G6PC1: variants seen among roughly 807,000 people sequenced by gnomAD.
The protein encoded by G6PC1 is glucose-6-phosphatase catalytic subunit 1, also known as G-6-Pase.
A neutral mutation model predicts 30.4 loss-of-function variants in G6PC1; 23 were observed. The ratio of observed to expected loss-of-function variants is 0.76; its 90% CI spans 0.55 to 1.07. The LOEUF (loss-of-function observed/expected upper bound fraction) is 1.07. Among genes scored for constraint, G6PC1 ranks in the 50% least tolerant of loss-of-function variants. G6PC1 has a pLI of 0.00. For missense variants in G6PC1, 391 were observed against 433.9 expected (o/e 0.90, Z 0.88); for synonymous variants, 163 against 175.6 (o/e 0.93, Z 0.57).
chr17:42,907,698 C>G, intron 3 of G6PC1, 70 bp downstream of exon 3: 1 of 1,066,290 alleles, frequency 9.4e-7, no homozygotes, highest in South Asian at 1.3e-5. Context: ...TGACACACCA[C>G]GTATTCTTCC....
intron 1 of G6PC1, 134 bp from the exon 2 acceptor site, chr17:42,903,797 T>TCC: frequency 1.4e-6 from 1 of 714,686 alleles, no homozygotes. Flanking sequence ...CTCACACTTC[T>TCC]CCCCAGCCAC....
At position 42,907,523 on chromosome 17, in the gene G6PC1, G is replaced by A. The variant is rs544563908; in HGVS notation, c.341G>A (p.Gly114Glu). The stretch of plus-strand genomic sequence containing the variant: ...CTCCATTCTCTTTCCTGCCCTTTAG[G>A]GAGCCCCTCTGGCCATGCCATGGGC... ...QFPVTCETGP[G>E]SPSGHAMGTA... The change falls in exon 3 of 5, where the codon GGG (glycine) becomes GAG (glutamate). Residue 114 changes from glycine to glutamate, a missense_variant and splice_region_variant. By Grantham distance (98) the Gly-to-Glu change is moderately conservative. Coordinates refer to ENST00000253801, the MANE Select transcript of G6PC1 (RefSeq NM_000151.4). 2 of 1,609,920 alleles carry A rather than the reference G, an allele frequency of 1.2e-6. No individual in the cohort carries two copies. Among genetic ancestry groups the A allele is most frequent in the African/African-American group, 1.3e-5 (1 of 74,904 alleles).
At chr17:42,904,129 G>A in intron 2 of G6PC1, 89 bp downstream of exon 2, 1 of 872,896 alleles carries the variant, frequency 1.1e-6, no homozygotes, top group Non-Finnish European at 2.0e-6. Context: ...CATGAGGAGA[G>A]CCATTCCTTT....
rs1196722551 is a variant in G6PC1, at chr17:42,913,604, C to T, written c.*2178C>T. On this transcript the variant is annotated 3_prime_UTR_variant, in exon 5 of 5. Transcript: ENST00000253801. ...AGAACCAGAAAGATTCAGAGTTGGCCAAGAATGAACATTGGCTACCAGACC... is the reference window on the plus strand; with the variant it reads ...AGAACCAGAAAGATTCAGAGTTGGCTAAGAATGAACATTGGCTACCAGACC... 6.6e-6 allele frequency among the ~76,000 whole-genome samples: 1 copy of T among 152,210 alleles called. No individual in the cohort carries two copies. Among genetic ancestry groups the T allele is most frequent in the East Asian group, 1.9e-4 (1 of 5,178 alleles).
intron 2 of G6PC1, among the ~76,000 whole-genome samples, chr17:42,905,196 G>C (rs926402787): frequency 6.1e-5 from 9 of 147,120 alleles, no homozygotes; most frequent in African/African-American, 2.3e-4. Flanking sequence ...AGGCTGAGGC[G>C]GGTGGATCAC....
chr17:42,909,557 G>A (rs1190312165), intron 4 of G6PC1, 139 bp downstream of exon 4: 1 of 740,896 alleles, frequency 1.3e-6, no homozygotes, highest in African/African-American at 1.7e-5. Flanking sequence ...TGAAAGTCAA[G>A]AATGAGCAAC....
At position 42,907,589 on chromosome 17, in the gene G6PC1, C is replaced by G; in HGVS notation, c.407C>G (p.Ser136Cys). The change falls in exon 3 of 5, where the codon TCC becomes TGC. Residue 136 changes from serine (S) to cysteine (C), a missense_variant. Coordinates refer to ENST00000253801, the MANE Select transcript of G6PC1 (RefSeq NM_000151.4). ...TACGTGATGGTCACATCTACTCTTTCCATCTTTCAGGGAAAGATAAAGCCG... is the reference window on the plus strand; with the variant it reads ...TACGTGATGGTCACATCTACTCTTTGCATCTTTCAGGGAAAGATAAAGCCG... ...VYYVMVTSTLSIFQGKIKPTY... is the reference protein window; with the variant it reads ...VYYVMVTSTLCIFQGKIKPTY... The G allele has an allele frequency of 6.2e-7, 1 of 1,613,922 alleles. No homozygotes were observed.
At chr17:42,901,643 T>C (rs1421935636) in intron 1 of G6PC1, among the ~76,000 whole-genome samples, 1 of 151,290 alleles carries the variant, frequency 6.6e-6, no homozygotes, top group Non-Finnish European at 1.5e-5. Context: ...CGGAGGAGGT[T>C]GCAGTGAGTC....
At position 42,907,381 on chromosome 17, in the gene G6PC1, G is replaced by A. The variant is rs902867311; in HGVS notation, c.341-142G>A. Reference sequence around the variant, plus strand: ...TAAGATGGGTGGATGGATGGGGGGTGAACGGATGGATGGGGGGTGAATGGA... The same window carrying A: ...TAAGATGGGTGGATGGATGGGGGGTAAACGGATGGATGGGGGGTGAATGGA... On this transcript the variant is annotated intron_variant, in intron 2 of 4. Transcript: ENST00000253801. 4 of 677,350 alleles carry A rather than the reference G, an allele frequency of 5.9e-6. No homozygotes were observed. In the East Asian group the frequency reaches 1.1e-4, roughly 19 times the overall value. 42.0% of individuals were successfully genotyped at this position (677,350 alleles called of 1,614,324 possible).
In G6PC1 at chr17:42,911,640, A is replaced by C; in HGVS notation, c.*214A>C. On this transcript the variant is annotated 3_prime_UTR_variant, in exon 5 of 5. Transcript: ENST00000253801. ...CCTCAGCACAGACTCTTTCAGATGG[A>C]GGTGCCATATCACGTACACCATATG... The C allele has an allele frequency of 1.5e-6, 1 of 651,622 alleles. No homozygotes were observed. Among genetic ancestry groups the C allele is most frequent in the Non-Finnish European group, 2.6e-6 (1 of 378,468 alleles). 40.4% of individuals were successfully genotyped at this position (651,622 alleles called of 1,614,324 possible). A position where few individuals can be genotyped will look rare whatever the true frequency, so the allele number is the denominator to read the frequency against.
At chr17:42,907,416 G>A in intron 2 of G6PC1, 107 bp from the exon 3 acceptor site, 1 of 742,026 alleles carries the variant, frequency 1.3e-6, no homozygotes, top group Non-Finnish European at 2.4e-6. Context: ...ATGGATGAAT[G>A]GGTAGATGGG....
intron 4 of G6PC1, among the ~76,000 whole-genome samples, chr17:42,910,540 G>C (rs2151932120): frequency 6.6e-6 from 1 of 152,290 alleles, no homozygotes; most frequent in African/African-American, 2.4e-5. Context: ...CAGTATTAGA[G>C]GGGGACCAGT....
chr17:42,911,128 C>T lies in G6PC1; in HGVS notation c.776C>T (p.Ala259Val). The T allele has an allele frequency of 6.2e-7, 1 of 1,614,156 alleles. No homozygotes were observed. The highest frequency in any genetic ancestry group is 1.1e-5 in the South Asian group (1 of 91,086). Reference sequence around the variant, plus strand: ...GTCCACATTGACACCACACCCTTTGCCAGCCTCCTCAAGAACCTGGGCACG... The same window carrying T: ...GTCCACATTGACACCACACCCTTTGTCAGCCTCCTCAAGAACCTGGGCACG... ...EWVHIDTTPF[A>V]SLLKNLGTLF... The change falls in exon 5 of 5, where the codon GCC becomes GTC. Residue 259 changes from alanine to valine, a missense_variant. Coordinates refer to ENST00000253801, the MANE Select transcript of G6PC1 (RefSeq NM_000151.4).
intron 2 of G6PC1, among the ~76,000 whole-genome samples, chr17:42,905,292 G>C (rs1344086883): frequency 1.3e-5 from 2 of 151,062 alleles, no homozygotes; most frequent in Non-Finnish European, 2.9e-5. Flanking sequence ...GGGTGTCCTG[G>C]TGCATGCCTG....
chr17:42,902,770 G>A (rs1023609880), intron 1 of G6PC1, among the ~76,000 whole-genome samples: 1 of 152,132 alleles, frequency 6.6e-6, no homozygotes, highest in African/African-American at 2.4e-5. Context: ...TAAAGGGGAA[G>A]TGGTTTGTCT....
intron 4 of G6PC1, 49 bp from the exon 5 acceptor site, chr17:42,910,866 A>G: frequency 6.3e-7 from 1 of 1,591,606 alleles, no homozygotes; most frequent in Non-Finnish European, 8.6e-7. Context: ...CCTCTAGCAA[A>G]GGTCCCAAAT....
intron 1 of G6PC1, among the ~76,000 whole-genome samples, chr17:42,901,630 AG>A (rs369591737): frequency 1.3e-5 from 2 of 151,550 alleles, no homozygotes; most frequent in African/African-American, 4.9e-5. Flanking sequence ...CTGAGGTGAG[AG>A]GCGGAGGAGG....
Position 42,907,558 on chromosome 17 carries a change from G to GTA in G6PC1, c.379_380dup (p.Tyr128ThrfsTer3), listed in dbSNP as rs80356488. ...TGGCCATGCCATGGGCACAGCAGGT[G>GTA]TATACTACGTGATGGTCACATCTAC... On this transcript the variant is annotated frameshift_variant, in exon 3 of 5. Coordinates refer to ENST00000253801, the MANE Select transcript of G6PC1 (RefSeq NM_000151.4). LOFTEE classifies it high-confidence loss of function. The GTA allele has an allele frequency of 2.6e-5, 42 of 1,613,922 alleles. No individual in the cohort carries two copies. The Admixed American group carries it at 6.5e-4, about 25-fold the overall frequency.
intron 2 of G6PC1, 150 bp from the exon 3 acceptor site, chr17:42,907,373 T>TG (rs1311838355): frequency 1.7e-5 from 11 of 647,708 alleles, no homozygotes; most frequent in African/African-American, 4.0e-5. Flanking sequence ...GGTGGATGGA[T>TG]GGGGGGTGAA....
Sources: allele counts gnomAD v4.1 joint callset (sites outside exome capture counted in the v4.1 genomes callset), GRCh38; gene constraint gnomAD v4.1.1; transcripts MANE v1.5; gene names NCBI Gene and HGNC (gene_info 2026-07-23, HGNC 2026-07-21).